Variants in SLC24A2 observed in about 807,000 individuals in gnomAD.
The protein encoded by SLC24A2 is sodium/potassium/calcium exchanger 2.
SLC24A2 carries 36 observed loss-of-function variants against 62.0 expected under a neutral mutation model. The ratio of observed to expected loss-of-function variants is 0.58; its 90% confidence interval spans 0.44 to 0.77. SLC24A2 has a LOEUF of 0.77. SLC24A2 is among the 30% of genes least tolerant of loss of function. The probability of loss-of-function intolerance (pLI) is 0.00; values close to 1 mark genes in which losing one functional copy is unlikely to be tolerated. For missense variants in SLC24A2, 846 were observed against 817.9 expected (o/e 1.03, Z -0.42); for synonymous variants, 358 against 294.0 (o/e 1.22, Z -2.23).
At chr9:19,917,579 C>G in the SLC24A2 span, among the ~76,000 whole-genome samples, 1 of 151,766 alleles carries the variant, frequency 6.6e-6, no homozygotes, top group Non-Finnish European at 1.5e-5. Context: ...TCATATGGAT[C>G]ATGCATATAA....
At chr9:20,124,789 T>C in the SLC24A2 span, among the ~76,000 whole-genome samples, 1 of 152,204 alleles carries the variant, frequency 6.6e-6, no homozygotes, top group Admixed American at 6.5e-5. Flanking sequence ...CATCTGCTTA[T>C]AGTCAGTAAG....
chr9:20,021,353 A>G, the SLC24A2 span, among the ~76,000 whole-genome samples: 32,480 of 151,568 alleles, frequency 0.21, 4,779 homozygotes, highest in East Asian at 0.63. Context: ...ACAGATTTAT[A>G]TATATATATT....
At chr9:19,647,893 A>C (rs750897680) in intron 2 of SLC24A2, among the ~76,000 whole-genome samples, 16 of 152,230 alleles carry the variant, frequency 1.1e-4, no homozygotes, top group Non-Finnish European at 2.2e-4. Context: ...GACAATATCT[A>C]TTTTATAGTG....
intron 2 of SLC24A2, among the ~76,000 whole-genome samples, chr9:19,771,282 C>T (rs145269295): frequency 2.8e-4 from 42 of 152,288 alleles, no homozygotes; most frequent in African/African-American, 9.9e-4. Context: ...AATTCTTCCT[C>T]CTAAAGCACA....
At chr9:20,093,317 C>A in the SLC24A2 span, among the ~76,000 whole-genome samples, 4 of 152,026 alleles carry the variant, frequency 2.6e-5, no homozygotes, top group Non-Finnish European at 5.9e-5. Context: ...GATGATCCAC[C>A]CGCCTCGGCC....
the SLC24A2 span, among the ~76,000 whole-genome samples, chr9:20,144,201 T>C: frequency 6.6e-6 from 1 of 152,190 alleles, no homozygotes; most frequent in Non-Finnish European, 1.5e-5. Context: ...TCTGAGGCTT[T>C]TTCTGTGAAA....
the SLC24A2 span, among the ~76,000 whole-genome samples, chr9:19,892,218 C>T: frequency 6.6e-6 from 1 of 152,184 alleles, no homozygotes; most frequent in Non-Finnish European, 1.5e-5. Flanking sequence ...TTCTACTAAA[C>T]AACCTGCTTT....
intron 2 of SLC24A2, among the ~76,000 whole-genome samples, chr9:19,717,242 A>G (rs1820886328): frequency 6.6e-6 from 1 of 152,242 alleles, no homozygotes; most frequent in African/African-American, 2.4e-5. Flanking sequence ...AAACTTGAGC[A>G]TATTGTGCTG....
chr9:19,836,657 G>A, the SLC24A2 span, among the ~76,000 whole-genome samples: 1 of 152,146 alleles, frequency 6.6e-6, no homozygotes, highest in Non-Finnish European at 1.5e-5. Context: ...GTACAAGGAG[G>A]AACTGGTACC....
At chr9:20,229,080 T>A in the SLC24A2 span, among the ~76,000 whole-genome samples, 2 of 152,090 alleles carry the variant, frequency 1.3e-5, no homozygotes, top group African/African-American at 4.8e-5. Flanking sequence ...ACCCCCAGAG[T>A]GCTGATTCCT....
At chr9:19,683,977 A>G (rs1819799293) in intron 2 of SLC24A2, among the ~76,000 whole-genome samples, 1 of 152,116 alleles carries the variant, frequency 6.6e-6, no homozygotes, top group African/African-American at 2.4e-5. Flanking sequence ...GTTACAAGCA[A>G]AAGAAACTTC....
chr9:20,187,459 A>T, the SLC24A2 span, among the ~76,000 whole-genome samples: 1 of 152,114 alleles, frequency 6.6e-6, no homozygotes, highest in South Asian at 2.1e-4. Context: ...GTCCTGAATG[A>T]TCACGCTCAC....
the SLC24A2 span, among the ~76,000 whole-genome samples, chr9:20,098,785 G>A: frequency 5.3e-5 from 8 of 152,276 alleles, 1 homozygote; most frequent in South Asian, 1.0e-3. Flanking sequence ...GGAAAGATAT[G>A]GTTAAATCCA....
At chr9:20,103,274 C>G in the SLC24A2 span, among the ~76,000 whole-genome samples, 1 of 152,188 alleles carries the variant, frequency 6.6e-6, no homozygotes, top group African/African-American at 2.4e-5. Flanking sequence ...GGGCAGGGCA[C>G]AGACAAACAA....
chr9:19,790,900 A>G (rs922287551), upstream of SLC24A2, among the ~76,000 whole-genome samples: 4 of 152,076 alleles, frequency 2.6e-5, no homozygotes, highest in African/African-American at 9.7e-5. Context: ...TAGAATTTTT[A>G]TGGTTTCAGG....
At chr9:19,866,217 G>A in the SLC24A2 span, among the ~76,000 whole-genome samples, 1 of 152,212 alleles carries the variant, frequency 6.6e-6, no homozygotes, top group Non-Finnish European at 1.5e-5. Context: ...TGGCAAGGAT[G>A]TGGAGAAAAG....
chr9:20,065,813 G>A, the SLC24A2 span, among the ~76,000 whole-genome samples: 6,065 of 152,168 alleles, frequency 0.04, 399 homozygotes, highest in African/African-American at 0.14. Flanking sequence ...ATCATGTTTA[G>A]ATAGTTTAAA....
the SLC24A2 span, among the ~76,000 whole-genome samples, chr9:20,105,300 G>C: frequency 1.3e-5 from 2 of 152,084 alleles, no homozygotes; most frequent in African/African-American, 2.4e-5. Context: ...GAGACAGAAA[G>C]TCAACAAGGA....
chr9:19,943,782 TTTCTC>T, the SLC24A2 span, among the ~76,000 whole-genome samples: 2 of 152,216 alleles, frequency 1.3e-5, no homozygotes, highest in Non-Finnish European at 2.9e-5. Flanking sequence ...TATTTAGCCT[TTTCTC>T]TTCACTAATA....
Sources: allele counts gnomAD v4.1 joint callset (sites outside exome capture counted in the v4.1 genomes callset), GRCh38; gene constraint gnomAD v4.1.1; transcripts MANE v1.5; gene names NCBI Gene and HGNC (gene_info 2026-07-23, HGNC 2026-07-21).